COL5A2: variants seen among roughly 807,000 people sequenced by gnomAD.
The protein encoded by COL5A2 is collagen alpha-2(V) chain.
In COL5A2, 23 loss-of-function variants were observed where a neutral mutation model predicts 208.2. The observed-to-expected ratio is 0.11, with a 90% CI of 0.08 to 0.16. The LOEUF is 0.16. Among genes scored for constraint, COL5A2 ranks in the 10% least tolerant of loss-of-function variants. The pLI is 1.00. For synonymous variants in COL5A2, 625 were observed against 628.5 expected, an observed-to-expected ratio of 0.99 and a Z score of 0.08; for missense variants, 1,590 against 1,956.4, an observed-to-expected ratio of 0.81 and a Z score of 3.53.
the COL5A2 span, among the ~76,000 whole-genome samples, chr2:189,294,107 A>C: frequency 1.3e-5 from 2 of 151,624 alleles, no homozygotes; most frequent in East Asian, 3.9e-4. Context: ...AAAAAAAAAA[A>C]AAAGCAACCC....
chr2:189,169,878 C>A (rs1200879820), intron 1 of COL5A2, among the ~76,000 whole-genome samples: 1 of 152,152 alleles, frequency 6.6e-6, no homozygotes, highest in Admixed American at 6.5e-5. Flanking sequence ...CCACCATGCC[C>A]AGCTAATTTT....
chr2:189,185,641 C>T (rs1483315906), intron 1 of COL5A2, among the ~76,000 whole-genome samples: 1 of 152,166 alleles, frequency 6.6e-6, no homozygotes, highest in Non-Finnish European at 1.5e-5. Context: ...CTTCATAAAA[C>T]CCACGAGCAT....
chr2:189,323,122 G>C, the COL5A2 span, among the ~76,000 whole-genome samples: 1 of 152,036 alleles, frequency 6.6e-6, no homozygotes, highest in Admixed American at 6.6e-5. Flanking sequence ...ATTCAAAAGC[G>C]CTTCATGCTG....
chr2:189,357,764 A>G, the COL5A2 span, among the ~76,000 whole-genome samples: 1 of 6,162 alleles, frequency 1.6e-4, no homozygotes, highest in Admixed American at 1.8e-3. Context: ...CTCGGGTATG[A>G]AAAAAAAAAA....
At chr2:189,335,861 A>G in the COL5A2 span, among the ~76,000 whole-genome samples, 3 of 152,152 alleles carry the variant, frequency 2.0e-5, no homozygotes, top group African/African-American at 7.2e-5. Flanking sequence ...CTTTGTGAAT[A>G]TACTAAAAAA....
intron 45 of COL5A2, 133 bp downstream of exon 45, chr2:189,048,076 C>T: frequency 1.3e-6 from 1 of 774,332 alleles, no homozygotes; most frequent in Non-Finnish European, 2.2e-6. Flanking sequence ...TATGGCTTTA[C>T]AGAAACAGTT....
At chr2:189,282,909 T>C in the COL5A2 span, among the ~76,000 whole-genome samples, 1 of 152,140 alleles carries the variant, frequency 6.6e-6, no homozygotes, top group Non-Finnish European at 1.5e-5. Context: ...TCAAAATATT[T>C]ACTATAGGTG....
the COL5A2 span, among the ~76,000 whole-genome samples, chr2:189,368,338 T>C: frequency 6.6e-6 from 1 of 152,118 alleles, no homozygotes; most frequent in African/African-American, 2.4e-5. Flanking sequence ...ATAAAAACCA[T>C]CCACATCACC....
chr2:189,331,234 C>CA, the COL5A2 span, among the ~76,000 whole-genome samples: 1 of 151,958 alleles, frequency 6.6e-6, no homozygotes, highest in African/African-American at 2.4e-5. Context: ...GAAGTTGAAA[C>CA]AAAAAAATTA....
At chr2:189,163,723 C>T (rs771993619) in intron 1 of COL5A2, among the ~76,000 whole-genome samples, 3 of 152,162 alleles carry the variant, frequency 2.0e-5, no homozygotes, top group Non-Finnish European at 4.4e-5. Flanking sequence ...TATTACAGCA[C>T]AAATATGACT....
the COL5A2 span, among the ~76,000 whole-genome samples, chr2:189,330,590 ATC>A: frequency 6.6e-6 from 1 of 152,218 alleles, no homozygotes; most frequent in Non-Finnish European, 1.5e-5. Context: ...GCAGACAGAA[ATC>A]TCTGTCCGTT....
the COL5A2 span, among the ~76,000 whole-genome samples, chr2:189,297,018 A>G: frequency 4.6e-5 from 7 of 152,168 alleles, no homozygotes; most frequent in Non-Finnish European, 1.0e-4. Context: ...AAAATTCTAT[A>G]TACTCTGTGC....
chr2:189,255,651 G>A, the COL5A2 span, among the ~76,000 whole-genome samples: 3 of 152,066 alleles, frequency 2.0e-5, no homozygotes, highest in Admixed American at 6.6e-5. Flanking sequence ...TTTACTATAG[G>A]TTGGTTCCAA....
chr2:189,198,242 T>C (rs1210224055), intron 1 of COL5A2, among the ~76,000 whole-genome samples: 2 of 152,174 alleles, frequency 1.3e-5, no homozygotes, highest in Non-Finnish European at 2.9e-5. Flanking sequence ...CTTTATATAA[T>C]AAATATAAAG....
chr2:189,072,506 T>C (rs975053662), intron 17 of COL5A2, among the ~76,000 whole-genome samples: 2 of 152,184 alleles, frequency 1.3e-5, no homozygotes, highest in Non-Finnish European at 2.9e-5. Flanking sequence ...GCACGGTGGC[T>C]CATGCCTGTA....
At chr2:189,415,872 G>A in the COL5A2 span, among the ~76,000 whole-genome samples, 1 of 152,116 alleles carries the variant, frequency 6.6e-6, no homozygotes, top group Non-Finnish European at 1.5e-5. Flanking sequence ...GTGTTAGCCA[G>A]GATGGTCTCG....
At chr2:189,421,665 A>T in the COL5A2 span, among the ~76,000 whole-genome samples, 1 of 152,086 alleles carries the variant, frequency 6.6e-6, no homozygotes, top group Non-Finnish European at 1.5e-5. Context: ...CCTAGCCTCA[A>T]TGACTGCCCA....
intron 3 of COL5A2, among the ~76,000 whole-genome samples, chr2:189,103,653 C>T (rs1486790209): frequency 3.3e-5 from 5 of 152,148 alleles, no homozygotes; most frequent in East Asian, 1.9e-4. Flanking sequence ...CAGCTATACT[C>T]GGGTCATGGA....
the COL5A2 span, among the ~76,000 whole-genome samples, chr2:189,406,256 T>C: frequency 6.6e-6 from 1 of 152,184 alleles, no homozygotes; most frequent in Non-Finnish European, 1.5e-5. Flanking sequence ...TGCTGAAAAC[T>C]TGAAATTGAT....
Sources: allele counts gnomAD v4.1 joint callset (sites outside exome capture counted in the v4.1 genomes callset), GRCh38; gene constraint gnomAD v4.1.1; transcripts MANE v1.5; gene names NCBI Gene and HGNC (gene_info 2026-07-23, HGNC 2026-07-21).